The following EYS variants were observed in gnomAD, a reference collection of about 807,000 sequenced individuals.
EYS encodes protein eyes shut homolog.
Under a neutral mutation model 282.1 loss-of-function variants are expected in EYS, and 250 were observed. The ratio of observed to expected loss-of-function variants is 0.89; its 90% CI spans 0.80 to 0.98. EYS has a LOEUF of 0.98. Ranked by LOEUF, EYS falls within the 50% of genes least tolerant of loss-of-function variation. The pLI is 0.00. For synonymous variants in EYS, 1,355 were observed against 1,282.9 expected, an observed-to-expected ratio of 1.06 and a Z score of -1.20; for missense variants, 4,016 against 3,709.0, an observed-to-expected ratio of 1.08 and a Z score of -2.15.
At chr6:63,922,815 AT>A (rs1157035717) in intron 35 of EYS, among the ~76,000 whole-genome samples, 1 of 152,184 alleles carries the variant, frequency 6.6e-6, no homozygotes, top group African/African-American at 2.4e-5. Flanking sequence ...AACATGATTC[AT>A]TTTAGAACAC....
At position 64,075,997 on chromosome 6, in the gene EYS, T is replaced by A. The variant is rs1340211596; in HGVS notation, c.6571+5859A>T. Among the ~76,000 whole-genome samples the A allele has an allele frequency of 2.0e-5, 3 of 151,968 alleles. No individual in the cohort carries two copies. In the East Asian group the frequency reaches 5.8e-4, roughly 29 times the overall value. ...TGGCCGTACTCATTCATTTACATAT[T>A]GTCCATGGCTGCTTTCAGGCTACTA... On this transcript the variant is annotated intron_variant, in intron 32 of 42. Transcript: ENST00000503581.
At chr6:65,468,261 C>T (rs953820142) in intron 5 of EYS, among the ~76,000 whole-genome samples, 1 of 152,124 alleles carries the variant, frequency 6.6e-6, no homozygotes, top group Non-Finnish European at 1.5e-5. Context: ...ACACATATAA[C>T]TTATTTTTGC....
At chr6:64,831,353 A>T (rs1257738512) in intron 19 of EYS, among the ~76,000 whole-genome samples, 2 of 152,018 alleles carry the variant, frequency 1.3e-5, no homozygotes, top group African/African-American at 2.4e-5. Context: ...ACCAGCATAG[A>T]TTTAGCATTT....
intron 22 of EYS, among the ~76,000 whole-genome samples, chr6:64,722,910 G>A (rs755578053): frequency 4.6e-5 from 7 of 151,962 alleles, no homozygotes; most frequent in East Asian, 1.9e-4. Context: ...CTAGGCTTCC[G>A]TATTGTTATC....
chr6:64,695,677 C>T (rs1156642714), intron 22 of EYS, among the ~76,000 whole-genome samples: 2 of 151,600 alleles, frequency 1.3e-5, no homozygotes, highest in African/African-American at 4.8e-5. Flanking sequence ...CTCCTTCTCC[C>T]GGGTTCAAGT....
intron 12 of EYS, among the ~76,000 whole-genome samples, chr6:65,137,452 G>T (rs1426164199): frequency 2.0e-5 from 3 of 152,102 alleles, no homozygotes; most frequent in African/African-American, 7.2e-5. Context: ...CTGACCACTT[G>T]ATATTAAGGC....
At chr6:64,552,977 A>T (rs1321171607) in intron 26 of EYS, among the ~76,000 whole-genome samples, 1 of 130,026 alleles carries the variant, frequency 7.7e-6, no homozygotes. Context: ...GCTATGACCC[A>T]GAAGTTCCCT....
intron 22 of EYS, among the ~76,000 whole-genome samples, chr6:64,787,342 T>TTA (rs1160891401): frequency 6.6e-6 from 1 of 152,192 alleles, no homozygotes; most frequent in African/African-American, 2.4e-5. Context: ...GGTATAAAAT[T>TTA]GGAAAGACAT....
chr6:64,563,239 C>A (rs1416136375), intron 26 of EYS, among the ~76,000 whole-genome samples: 1 of 151,966 alleles, frequency 6.6e-6, no homozygotes, highest in Non-Finnish European at 1.5e-5. Context: ...GGACTTAGAG[C>A]TCATTAAAGA....
chr6:63,912,271 G>T (rs1026639354), intron 35 of EYS, among the ~76,000 whole-genome samples: 3 of 152,074 alleles, frequency 2.0e-5, no homozygotes, highest in Non-Finnish European at 2.9e-5. Context: ...TACCCTGATG[G>T]CTTTGTTTAG....
chr6:64,586,375 C>T (rs1268084644), intron 26 of EYS, among the ~76,000 whole-genome samples: 1 of 152,046 alleles, frequency 6.6e-6, no homozygotes, highest in Non-Finnish European at 1.5e-5. Context: ...ACACTTAATG[C>T]ATTTTTTCCA....
At position 65,043,551 on chromosome 6, in the gene EYS, C is replaced by A. The variant is rs143934154; in HGVS notation, c.2137+14063G>T. Among the ~76,000 whole-genome samples the A allele has an allele frequency of 2.1e-3, 314 of 151,516 alleles. 1 individual carries two copies. Among genetic ancestry groups the A allele is most frequent in the Non-Finnish European group, 3.7e-3 (252 of 67,618 alleles). ...CAACAATTCCTAATTCCCTCCTGCGCCCCTCCTCCAGTCTCTGGTAAGCAT... is the reference window on the plus strand; with the variant it reads ...CAACAATTCCTAATTCCCTCCTGCGACCCTCCTCCAGTCTCTGGTAAGCAT... On this transcript the variant is annotated intron_variant, in intron 13 of 42. Coordinates refer to ENST00000503581, the MANE Select transcript of EYS (RefSeq NM_001142800.2).
chr6:64,698,386 A>ATTGG (rs535967581), intron 22 of EYS, among the ~76,000 whole-genome samples: 1 of 152,230 alleles, frequency 6.6e-6, no homozygotes, highest in Non-Finnish European at 1.5e-5. Context: ...AAAATAAAAA[A>ATTGG]TTGGTTGTTA....
chr6:65,147,801 GCA>G (rs570656598), intron 12 of EYS, among the ~76,000 whole-genome samples: 11 of 152,028 alleles, frequency 7.2e-5, no homozygotes, highest in Non-Finnish European at 1.5e-4. Flanking sequence ...CCACAGTTCC[GCA>G]TGACTGGGGA....
chr6:65,097,350 A>G (rs1266869107), intron 12 of EYS, among the ~76,000 whole-genome samples: 4 of 150,544 alleles, frequency 2.7e-5, no homozygotes, highest in Non-Finnish European at 6.0e-5. Context: ...GATAACAAGT[A>G]TTGGTGAGGA....
intron 2 of EYS, among the ~76,000 whole-genome samples, chr6:65,584,437 A>G (rs1261127241): frequency 1.3e-5 from 2 of 152,082 alleles, no homozygotes; most frequent in Admixed American, 6.6e-5. Flanking sequence ...TGGTTTCTAT[A>G]TCTGGGATTT....
chr6:65,667,498 C>T (rs572431077), intron 1 of EYS, among the ~76,000 whole-genome samples: 2 of 151,914 alleles, frequency 1.3e-5, no homozygotes, highest in African/African-American at 4.8e-5. Flanking sequence ...AGCACCATTA[C>T]CATATTCTTA....
At chr6:65,203,045 G>C (rs1466268569) in intron 12 of EYS, among the ~76,000 whole-genome samples, 2 of 152,144 alleles carry the variant, frequency 1.3e-5, no homozygotes, top group Non-Finnish European at 2.9e-5. Context: ...CAGAGCACAG[G>C]ATGGAAACCC....
chr6:64,062,043 C>T (rs1243973917), intron 33 of EYS, among the ~76,000 whole-genome samples: 13 of 151,786 alleles, frequency 8.6e-5, no homozygotes, highest in African/African-American at 3.1e-4. Flanking sequence ...GACATCGTGT[C>T]AACATTCATA....
Sources: gnomAD v4.1 joint callset for allele counts (sites outside exome capture counted in the v4.1 genomes callset) on GRCh38, gnomAD v4.1.1 for gene constraint, MANE v1.5 for transcripts, NCBI Gene and HGNC (gene_info 2026-07-23, HGNC 2026-07-21) for gene names.